ZMIZ1: variants seen among roughly 807,000 people sequenced by gnomAD.
ZMIZ1 encodes the protein zinc finger MIZ domain-containing protein 1.
In ZMIZ1, 17 loss-of-function variants were observed where a neutral mutation model predicts 113.9. The observed-to-expected ratio is 0.15, with a 90% CI of 0.10 to 0.22. The LOEUF (loss-of-function observed/expected upper bound fraction) is 0.22. ZMIZ1 is among the 10% of genes least tolerant of loss of function. The pLI, the probability that ZMIZ1 is intolerant of heterozygous loss-of-function variation, is 1.00. For missense variants in ZMIZ1, 1,059 were observed against 1,477.8 expected, an observed-to-expected ratio of 0.72 and a Z score of 4.65; for synonymous variants, 607 against 603.1, an observed-to-expected ratio of 1.01 and a Z score of -0.09.
intron 7 of ZMIZ1, among the ~76,000 whole-genome samples, chr10:79,233,840 A>G (rs998575903): frequency 4.6e-5 from 7 of 152,184 alleles, no homozygotes; most frequent in Non-Finnish European, 1.0e-4. Context: ...TTCCCCTCCT[A>G]GCTGCAGGCT....
chr10:79,252,758 C>T (rs1203438941), intron 7 of ZMIZ1, among the ~76,000 whole-genome samples: 3 of 152,170 alleles, frequency 2.0e-5, no homozygotes, highest in Admixed American at 1.3e-4. Flanking sequence ...CCTGGATGCA[C>T]GCCCCCCTGC....
At chr10:79,252,286 A>G (rs559783596) in intron 7 of ZMIZ1, among the ~76,000 whole-genome samples, 2 of 151,976 alleles carry the variant, frequency 1.3e-5, no homozygotes, top group African/African-American at 4.8e-5. Context: ...AGAGCTTTAC[A>G]TGGCGGTGTA....
intron 2 of ZMIZ1, among the ~76,000 whole-genome samples, chr10:79,124,673 C>G (rs1057454114): frequency 1.3e-5 from 2 of 152,216 alleles, no homozygotes; most frequent in Non-Finnish European, 2.9e-5. Flanking sequence ...CAGCTCTTTC[C>G]TCATGCTGTA....
chr10:79,113,012 G>A (rs1843813562), intron 1 of ZMIZ1, among the ~76,000 whole-genome samples: 1 of 152,198 alleles, frequency 6.6e-6, no homozygotes, highest in African/African-American at 2.4e-5. Flanking sequence ...GGGCTCTTGA[G>A]CAAGGCAGCA....
chr10:79,084,439 G>T (rs1307651745), intron 1 of ZMIZ1, among the ~76,000 whole-genome samples: 2 of 152,240 alleles, frequency 1.3e-5, no homozygotes, highest in African/African-American at 4.8e-5. Flanking sequence ...AAACAAGGAA[G>T]TGTTGCAACT....
At chr10:79,115,791 C>T (rs563967591) in intron 1 of ZMIZ1, among the ~76,000 whole-genome samples, 1 of 152,236 alleles carries the variant, frequency 6.6e-6, no homozygotes, top group Non-Finnish European at 1.5e-5. Flanking sequence ...GAGGCCCCAG[C>T]CAGTCACTCA....
rs541197099 is a variant in ZMIZ1 at position 79,302,047 on chromosome 10, C to T, written c.2020-60C>T. The T allele has an allele frequency of 4.8e-5, 75 of 1,563,934 alleles. 1 individual carries two copies. In the South Asian group the frequency reaches 7.0e-4, roughly 15 times the overall value. On this transcript the variant is annotated intron_variant, in intron 17 of 24. Transcript: ENST00000334512. ...GAGCAGTCTAGGGCTGCTGAGGCTG[C>T]AGGCAGGGCGGGGTGTGGGGACAGT...
At chr10:79,133,714 C>T (rs1235189747) in intron 2 of ZMIZ1, among the ~76,000 whole-genome samples, 1 of 152,238 alleles carries the variant, frequency 6.6e-6, no homozygotes, top group Non-Finnish European at 1.5e-5. Flanking sequence ...CCTCTCCTCC[C>T]AGGGCCTTGC....
chr10:79,070,460 G>A (rs886872631), intron 1 of ZMIZ1, among the ~76,000 whole-genome samples: 8 of 142,330 alleles, frequency 5.6e-5, no homozygotes, highest in Non-Finnish European at 9.3e-5. Flanking sequence ...TCAGCCCCGG[G>A]TTTAAAAGAC....
chr10:79,103,216 G>A (rs189555766), intron 1 of ZMIZ1, among the ~76,000 whole-genome samples: 1 of 152,206 alleles, frequency 6.6e-6, no homozygotes, highest in African/African-American at 2.4e-5. Flanking sequence ...CTTGGTGCCC[G>A]AGAACTGAGG....
intron 1 of ZMIZ1, among the ~76,000 whole-genome samples, chr10:79,090,760 CA>C (rs1324380194): frequency 1.3e-5 from 2 of 152,228 alleles, no homozygotes; most frequent in Non-Finnish European, 2.9e-5. Flanking sequence ...GGCTGATGTG[CA>C]TTGTGGGAGC....
At chr10:79,160,791 G>A (rs1357269149) in intron 3 of ZMIZ1, among the ~76,000 whole-genome samples, 1 of 152,250 alleles carries the variant, frequency 6.6e-6, no homozygotes, top group Non-Finnish European at 1.5e-5. Flanking sequence ...TTCACGTGAT[G>A]TGGGCACCAC....
intron 4 of ZMIZ1, among the ~76,000 whole-genome samples, chr10:79,197,632 A>C (rs1439480377): frequency 1.4e-4 from 18 of 128,484 alleles, no homozygotes; most frequent in Admixed American, 1.3e-3. Context: ...ACACACACAC[A>C]CACACACACA....
chr10:79,167,823 C>G (rs746831119), intron 4 of ZMIZ1, among the ~76,000 whole-genome samples: 1 of 152,196 alleles, frequency 6.6e-6, no homozygotes, highest in Non-Finnish European at 1.5e-5. Flanking sequence ...GAAAGGTCAC[C>G]CCTGCCCTCC....
intron 1 of ZMIZ1, among the ~76,000 whole-genome samples, chr10:79,092,123 G>T (rs1406887279): frequency 1.3e-5 from 2 of 152,150 alleles, no homozygotes; most frequent in Non-Finnish European, 2.9e-5. Context: ...TGCAGGCTTG[G>T]TCTGGCTACT....
At chr10:79,292,010 C>G in intron 10 of ZMIZ1, 148 bp from the exon 11 acceptor site, 3 of 832,648 alleles carry the variant, frequency 3.6e-6, no homozygotes, top group Non-Finnish European at 5.9e-6. Context: ...TGCCAAGTGG[C>G]ACAAATGAAT....
rs901474185 is a variant in ZMIZ1 at position 79,315,859 on chromosome 10, CAAAA to C, written c.*3117_*3120del. 6.2e-5 allele frequency: 9 copies of C among 144,194 alleles called. No individual in the cohort carries two copies. The highest frequency in any genetic ancestry group is 1.1e-4 in the Non-Finnish European group (7 of 65,320). 8.9% of individuals were successfully genotyped at this position (144,194 alleles called of 1,614,324 possible). ...TTTTATTTTGCGAAACAAAACAAAA[CAAAA>C]AAAAAAGCTTGGAACTCCATCACGT... is the stretch of plus-strand genomic sequence containing the variant. On this transcript the variant is annotated 3_prime_UTR_variant, in exon 25 of 25. Coordinates refer to ENST00000334512, the MANE Select transcript of ZMIZ1 (RefSeq NM_020338.4).
intron 7 of ZMIZ1, among the ~76,000 whole-genome samples, chr10:79,250,866 G>A (rs1250599): frequency 0.051 from 7,752 of 152,208 alleles, 252 homozygotes; most frequent in Non-Finnish European, 0.076. Flanking sequence ...GCCAACACAC[G>A]GCTTCTTGTC....
intron 4 of ZMIZ1, among the ~76,000 whole-genome samples, chr10:79,174,978 G>C (rs995328181): frequency 1.3e-5 from 2 of 152,190 alleles, no homozygotes; most frequent in Non-Finnish European, 2.9e-5. Flanking sequence ...TTCCTCCCAG[G>C]CCTCTCTCTG....
Sources: gnomAD v4.1 joint callset for allele counts (sites outside exome capture counted in the v4.1 genomes callset) on GRCh38, gnomAD v4.1.1 for gene constraint, MANE v1.5 for transcripts, NCBI Gene and HGNC (gene_info 2026-07-23, HGNC 2026-07-21) for gene names.